ENOX1: variants seen among roughly 807,000 people sequenced by gnomAD.
ENOX1 encodes the protein ecto-NOX disulfide-thiol exchanger 1.
ENOX1 carries 42 observed loss-of-function variants against 82.5 expected under a neutral mutation model. The observed-to-expected ratio is 0.51, with a 90% CI of 0.40 to 0.66. ENOX1 has a LOEUF of 0.66. Among genes scored for constraint, ENOX1 ranks in the 30% least tolerant of loss-of-function variants. ENOX1 has a pLI of 0.00. For missense variants in ENOX1, 608 were observed against 811.6 expected (o/e 0.75, Z 3.05); for synonymous variants, 271 against 282.2 (o/e 0.96, Z 0.40).
chr13:43,467,587 A>G (rs1387146362), intron 3 of ENOX1, among the ~76,000 whole-genome samples: 1 of 151,830 alleles, frequency 6.6e-6, no homozygotes, highest in Non-Finnish European at 1.5e-5. Flanking sequence ...ATTTGCAAAT[A>G]TTTTCTTCCA....
rs572704634 is a variant in ENOX1, at chr13:43,723,658, T to C, written c.-284-56114A>G. Among the ~76,000 whole-genome samples, 6 of 152,182 alleles carry C rather than the reference T, an allele frequency of 3.9e-5. 1 individual carries two copies. The highest frequency in any genetic ancestry group is 3.9e-4 in the Admixed American group (6 of 15,288). On this transcript the variant is annotated intron_variant, in intron 1 of 16. Transcript: ENST00000690772. ...GAGAGTCACTGAAGATACTCAAAATTTAAAAGTGGGTTTATATCACACTAT... is the reference window on the plus strand; with the variant it reads ...GAGAGTCACTGAAGATACTCAAAATCTAAAAGTGGGTTTATATCACACTAT...
chr13:43,264,651 T>G (rs376371587), intron 14 of ENOX1, among the ~76,000 whole-genome samples: 5 of 152,336 alleles, frequency 3.3e-5, no homozygotes, highest in African/African-American at 1.2e-4. Flanking sequence ...TGAAAAGAAC[T>G]GCTTAGTAAG....
At chr13:43,715,745 C>T (rs927528470) in intron 1 of ENOX1, among the ~76,000 whole-genome samples, 8 of 152,162 alleles carry the variant, frequency 5.3e-5, no homozygotes, top group Non-Finnish European at 2.9e-5. Flanking sequence ...ACCCTTTCTT[C>T]CAGTTGATCG....
intron 2 of ENOX1, among the ~76,000 whole-genome samples, chr13:43,503,745 C>T (rs1383339643): frequency 6.6e-6 from 1 of 151,636 alleles, no homozygotes; most frequent in Non-Finnish European, 1.5e-5. Flanking sequence ...CCCGAAACCA[C>T]AAATTTTCTA....
chr13:43,692,548 G>A (rs760167839), intron 1 of ENOX1, among the ~76,000 whole-genome samples: 1 of 152,022 alleles, frequency 6.6e-6, no homozygotes, highest in Non-Finnish European at 1.5e-5. Flanking sequence ...AATTTACTTT[G>A]TATAAACTGA....
chr13:43,413,699 T>TTTATATATTTATATATATATATATATATA (rs1566157187), intron 3 of ENOX1, among the ~76,000 whole-genome samples: 1 of 146,676 alleles, frequency 6.8e-6, no homozygotes, highest in Non-Finnish European at 1.5e-5. Flanking sequence ...ATATATATAT[T>TTTATATATTTATATATATATATATATATA]TTTATATATT....
At chr13:43,467,525 T>TAAAA (rs368994089) in intron 3 of ENOX1, among the ~76,000 whole-genome samples, 67,142 of 151,518 alleles carry the variant, frequency 0.44, 15,270 homozygotes, top group Non-Finnish European at 0.5. Context: ...TTTTAAAATT[T>TAAAA]TAAATTTTAA....
chr13:43,646,135 A>AG, intron 2 of ENOX1, among the ~76,000 whole-genome samples: 1 of 152,332 alleles, frequency 6.6e-6, no homozygotes, highest in South Asian at 2.1e-4. Flanking sequence ...ATTGCCCTCA[A>AG]GGGAGGTTCC....
chr13:43,415,128 G>A (rs770127995), intron 3 of ENOX1, among the ~76,000 whole-genome samples: 1 of 150,448 alleles, frequency 6.6e-6, no homozygotes, highest in Admixed American at 6.6e-5. Flanking sequence ...CTGAAAAAAA[G>A]CATTGTTCTG....
At chr13:43,710,772 G>A (rs1035231889) in intron 1 of ENOX1, among the ~76,000 whole-genome samples, 1 of 151,668 alleles carries the variant, frequency 6.6e-6, no homozygotes, top group Non-Finnish European at 1.5e-5. Flanking sequence ...CAAGGTGGTC[G>A]AATTCAAGAT....
At chr13:43,775,879 A>G (rs1951888852) in intron 1 of ENOX1, among the ~76,000 whole-genome samples, 2 of 152,116 alleles carry the variant, frequency 1.3e-5, no homozygotes, top group Admixed American at 6.5e-5. Flanking sequence ...AGTGTGTGTG[A>G]CCACTATGGT....
intron 2 of ENOX1, among the ~76,000 whole-genome samples, chr13:43,581,076 G>A (rs887078116): frequency 2.0e-5 from 3 of 150,122 alleles, no homozygotes; most frequent in Admixed American, 2.0e-4. Context: ...AGAGCAAAAT[G>A]GAGAGATACT....
In ENOX1 at chr13:43,566,034, C is replaced by T. The variant is rs1277811206; in HGVS notation, c.-218-81882G>A. ...CATGTGGGTTGCAGTAGCAAAATAA[C>T]TTGTGACTGATGATAATTAAGAAAA... is the stretch of plus-strand genomic sequence containing the variant. On this transcript the variant is annotated intron_variant, in intron 2 of 16. Transcript: ENST00000690772. 3.6e-4 allele frequency among the ~76,000 whole-genome samples: 55 copies of T among 152,146 alleles called. 1 individual carries two copies. The highest frequency in any genetic ancestry group is 3.6e-3 in the Admixed American group (55 of 15,268).
chr13:43,218,868 A>G (rs1001915493), intron 16 of ENOX1, among the ~76,000 whole-genome samples: 3 of 152,148 alleles, frequency 2.0e-5, no homozygotes, highest in Admixed American at 2.0e-4. Context: ...TGGCCAAAGA[A>G]TTTTTACTTT....
chr13:43,631,179 ATGCAT>A (rs2153750918), intron 2 of ENOX1, among the ~76,000 whole-genome samples: 1 of 152,248 alleles, frequency 6.6e-6, no homozygotes, highest in Admixed American at 6.5e-5. Context: ...TAACACTGCA[ATGCAT>A]GTCCTTTTCC....
chr13:43,414,010 AC>A (rs2054297382), intron 3 of ENOX1, among the ~76,000 whole-genome samples: 2 of 152,250 alleles, frequency 1.3e-5, no homozygotes, highest in Admixed American at 1.3e-4. Context: ...GTTTTTCTAA[AC>A]CATGTTCCTG....
chr13:43,428,064 A>C (rs1371138509), intron 3 of ENOX1, among the ~76,000 whole-genome samples: 1 of 152,174 alleles, frequency 6.6e-6, no homozygotes, highest in Non-Finnish European at 1.5e-5. Context: ...TCAGGACCTG[A>C]AGATTTGTTG....
At chr13:43,591,843 T>G (rs569927378) in intron 2 of ENOX1, among the ~76,000 whole-genome samples, 1 of 152,206 alleles carries the variant, frequency 6.6e-6, no homozygotes, top group East Asian at 1.9e-4. Flanking sequence ...ATCCTGGTGT[T>G]GGCAAATAGA....
At chr13:43,297,688 C>T (rs1376574089) in intron 12 of ENOX1, among the ~76,000 whole-genome samples, 2 of 152,130 alleles carry the variant, frequency 1.3e-5, no homozygotes, top group African/African-American at 4.8e-5. Context: ...TACTCCAAAG[C>T]CCTCAACTTT....
Sources: allele counts gnomAD v4.1 joint callset (sites outside exome capture counted in the v4.1 genomes callset), GRCh38; gene constraint gnomAD v4.1.1; transcripts MANE v1.5; gene names NCBI Gene and HGNC (gene_info 2026-07-23, HGNC 2026-07-21).